Variants in RBFOX3 observed in about 807,000 individuals in gnomAD.
The protein encoded by RBFOX3 is RNA binding protein fox-1 homolog 3.
A neutral mutation model predicts 48.7 loss-of-function variants in RBFOX3; 17 were observed. That is an observed-to-expected ratio of 0.35 (90% CI 0.24 to 0.52). The LOEUF is 0.52. Among genes scored for constraint, RBFOX3 ranks in the 20% least tolerant of loss-of-function variants. The pLI is 0.94. For synonymous variants in RBFOX3, 212 were observed against 209.5 expected (o/e 1.01, Z -0.10); for missense variants, 382 against 497.5 (o/e 0.77, Z 2.21).
intron 1 of RBFOX3, among the ~76,000 whole-genome samples, chr17:79,584,833 T>G (rs2093192171): frequency 1.3e-5 from 2 of 152,036 alleles, no homozygotes; most frequent in African/African-American, 4.8e-5. Flanking sequence ...TGGCACGATC[T>G]CAGCTCACTG....
intron 4 of RBFOX3, among the ~76,000 whole-genome samples, chr17:79,133,793 C>T (rs2143538616): frequency 6.6e-6 from 1 of 152,284 alleles, no homozygotes. Flanking sequence ...GGCCAAAGCT[C>T]CCTCCCAGGG....
At chr17:79,652,097 G>A in the RBFOX3 span, among the ~76,000 whole-genome samples, 2 of 151,936 alleles carry the variant, frequency 1.3e-5, no homozygotes, top group Non-Finnish European at 2.9e-5. Flanking sequence ...CAGATCCCCC[G>A]CCCATGGAAA....
chr17:79,219,100 C>T (rs2059407305), intron 4 of RBFOX3, among the ~76,000 whole-genome samples: 1 of 152,192 alleles, frequency 6.6e-6, no homozygotes, highest in Non-Finnish European at 1.5e-5. Context: ...CAGTGGGGCT[C>T]CAGGGCCCTT....
At chr17:79,117,040 T>C (rs929250270) in intron 4 of RBFOX3, among the ~76,000 whole-genome samples, 1 of 152,166 alleles carries the variant, frequency 6.6e-6, no homozygotes, top group African/African-American at 2.4e-5. Context: ...CTGGGGTCTT[T>C]CACAGTGCCA....
intron 2 of RBFOX3, among the ~76,000 whole-genome samples, chr17:79,322,446 G>A (rs2078672721): frequency 6.6e-6 from 1 of 152,208 alleles, no homozygotes; most frequent in African/African-American, 2.4e-5. Flanking sequence ...AGCACGCCCT[G>A]AGTAGAATTT....
intron 2 of RBFOX3, among the ~76,000 whole-genome samples, chr17:79,403,894 T>C (rs997073280): frequency 1.1e-4 from 16 of 151,406 alleles, no homozygotes; most frequent in Non-Finnish European, 2.2e-4. Flanking sequence ...ATTCTCCTGC[T>C]TCAGCCTCCT....
chr17:79,102,943 G>A (rs2076715326), intron 8 of RBFOX3, among the ~76,000 whole-genome samples: 1 of 152,214 alleles, frequency 6.6e-6, no homozygotes, highest in Non-Finnish European at 1.5e-5. Context: ...GAAGAGGCAG[G>A]GGAGAGGGGA....
chr17:79,193,391 T>C (rs897306439), intron 4 of RBFOX3, among the ~76,000 whole-genome samples: 7 of 152,114 alleles, frequency 4.6e-5, no homozygotes, highest in East Asian at 3.9e-4. Flanking sequence ...CAACACACCA[T>C]ATATTAGGAA....
rs984020096 is a variant in RBFOX3 at position 79,606,506 on chromosome 17, G to A, written c.-320+4320C>T. ...GCAACTGATAGACTGAGCTCGCCCC[G>A]AGCTACAAATAAACTAACAGACTTT... On this transcript the variant is annotated intron_variant, in intron 1 of 14. Transcript: ENST00000693108. Among the ~76,000 whole-genome samples, 608 of 152,212 alleles carry A rather than the reference G, an allele frequency of 4.0e-3. 2 individuals carry two copies. The highest frequency in any genetic ancestry group is 0.014 in the African/African-American group (577 of 41,520).
At chr17:79,609,134 C>T (rs1265486874) in intron 1 of RBFOX3, among the ~76,000 whole-genome samples, 1 of 152,230 alleles carries the variant, frequency 6.6e-6, no homozygotes, top group Non-Finnish European at 1.5e-5. Context: ...TTAAGACATC[C>T]GTCCCGAATC....
At chr17:79,591,669 G>A (rs1424170746) in intron 1 of RBFOX3, among the ~76,000 whole-genome samples, 4 of 152,174 alleles carry the variant, frequency 2.6e-5, no homozygotes, top group Admixed American at 2.6e-4. Flanking sequence ...CCTTTGCTTG[G>A]AGCCCCTGAA....
intron 2 of RBFOX3, among the ~76,000 whole-genome samples, chr17:79,466,963 A>G (rs1012242077): frequency 3.3e-5 from 5 of 152,142 alleles, no homozygotes; most frequent in Non-Finnish European, 5.9e-5. Flanking sequence ...AGGGTCTCTT[A>G]ATGGGGACAT....
intron 4 of RBFOX3, among the ~76,000 whole-genome samples, chr17:79,177,781 A>G (rs1568289291): frequency 6.6e-6 from 1 of 152,226 alleles, no homozygotes; most frequent in Non-Finnish European, 1.5e-5. Flanking sequence ...CTGCTCAGCC[A>G]TCAGGATGAG....
intron 2 of RBFOX3, among the ~76,000 whole-genome samples, chr17:79,415,151 C>T (rs919343318): frequency 6.6e-6 from 1 of 152,150 alleles, no homozygotes; most frequent in African/African-American, 2.4e-5. Context: ...TGCAATCTGC[C>T]CGGTGCCACC....
chr17:79,394,582 C>T (rs925902887), intron 2 of RBFOX3, among the ~76,000 whole-genome samples: 1 of 152,238 alleles, frequency 6.6e-6, no homozygotes, highest in African/African-American at 2.4e-5. Flanking sequence ...ACGCACAGTC[C>T]TCCCAGCGAG....
intron 4 of RBFOX3, among the ~76,000 whole-genome samples, chr17:79,162,393 C>T (rs892913022): frequency 3.3e-5 from 5 of 152,202 alleles, no homozygotes; most frequent in East Asian, 1.9e-4. Flanking sequence ...AGTGGAGTGC[C>T]GCGCCCAGCC....
At chr17:79,230,283 G>T (rs781233433) in intron 4 of RBFOX3, among the ~76,000 whole-genome samples, 2 of 151,912 alleles carry the variant, frequency 1.3e-5, no homozygotes, top group African/African-American at 2.4e-5. Context: ...TTTTTGAGAT[G>T]GAGTCTTGCT....
intron 2 of RBFOX3, among the ~76,000 whole-genome samples, chr17:79,377,400 CAT>C (rs962430080): frequency 5.7e-5 from 8 of 139,982 alleles, no homozygotes; most frequent in African/African-American, 2.0e-4. Flanking sequence ...CACACACACT[CAT>C]ACACACACAG....
rs2061269480 is a variant in RBFOX3, at chr17:79,390,636, C to T, written c.-174-82812G>A. Among the ~76,000 whole-genome samples, 1 of 152,200 alleles carries T rather than the reference C, an allele frequency of 6.6e-6. No homozygotes were observed. Among genetic ancestry groups the T allele is most frequent in the South Asian group, 2.1e-4 (1 of 4,832 alleles). ...GGGATTACAGGCGCCTGCCACCAAA[C>T]CCAGCTAATTTTGTATTTTTAGTAG... On this transcript the variant is annotated intron_variant, in intron 2 of 14. Coordinates refer to ENST00000693108, the MANE Select transcript of RBFOX3 (RefSeq NM_001350451.2). This position sits in a 1 kb window ranked among gnomAD's most constrained non-coding sequence, Gnocchi z 4.2.
Sources: gnomAD v4.1 joint callset for allele counts (sites outside exome capture counted in the v4.1 genomes callset) on GRCh38, gnomAD v4.1.1 for gene constraint, Gnocchi (gnomAD v3.1) non-coding constraint, MANE v1.5 for transcripts, NCBI Gene and HGNC (gene_info 2026-07-23, HGNC 2026-07-21) for gene names.